Variants in OR5M3 observed in about 807,000 individuals in gnomAD.
The protein encoded by OR5M3 is olfactory receptor family 5 subfamily M member 3.
For missense variants in OR5M3, 384 were observed against 378.6 expected, an observed-to-expected ratio of 1.01 and a Z score of -0.12; for synonymous variants, 129 against 131.3, an observed-to-expected ratio of 0.98 and a Z score of 0.12.
rs747649537 is a variant in OR5M3, at chr11:56,469,868, A to T, written c.630T>A (p.Thr210=). The T allele has an allele frequency of 6.8e-6, 11 of 1,613,262 alleles. No individual in the cohort carries two copies. The highest frequency in any genetic ancestry group is 8.5e-6 in the Non-Finnish European group (10 of 1,179,178). ...TGAATAAGTAAGAGATGATAATTACAGTCAGGGAATATGTGAAGTTAATGC... is the reference window on the plus strand; with the variant it reads ...TGAATAAGTAAGAGATGATAATTACTGTCAGGGAATATGTGAAGTTAATGC... ...LAGINFTYSL[T]VIIISYLFIL... The change falls in exon 2 of 2, where the codon ACT becomes ACA. Residue 210 remains threonine (T), a synonymous_variant. Coordinates refer to ENST00000641993, the MANE Select transcript of OR5M3 (RefSeq NM_001004742.3).
At chr11:56,472,305 T>A (rs1296577526) in intron 1 of OR5M3, among the ~76,000 whole-genome samples, 1 of 152,090 alleles carries the variant, frequency 6.6e-6, no homozygotes, top group East Asian at 1.9e-4. Flanking sequence ...TAAAATCTGT[T>A]ACAGAGTTGT....
rs762806221 is a variant in OR5M3, at chr11:56,470,293, C to T, written c.205G>A (p.Val69Met). 5.2e-5 allele frequency: 84 copies of T among 1,613,400 alleles called. No individual in the cohort carries two copies. Among genetic ancestry groups the T allele is most frequent in the Admixed American group, 2.3e-4 (14 of 59,950 alleles). The change falls in exon 2 of 2, where the codon GTG becomes ATG. Residue 69 changes from valine (V) to methionine (M), a missense_variant. Transcript: ENST00000641993. ...GGGGTGACATTGGAAGAAAACCACA[C>T]ATCAACAAATGACAAGTGACTGAGG... ...FFLSHLSFVDVWFSSNVTPKM... is the reference protein window; with the variant it reads ...FFLSHLSFVDMWFSSNVTPKM...
intron 1 of OR5M3, among the ~76,000 whole-genome samples, chr11:56,472,781 T>C (rs976752562): frequency 3.3e-5 from 5 of 152,068 alleles, no homozygotes; most frequent in Admixed American, 1.3e-4. Context: ...TGGATTCTTT[T>C]CCAGATCAGG....
chr11:56,469,518 C>G lies in OR5M3; in HGVS notation c.*56G>C. ...ATGTTCCTAGGTACTGGGTAATAAA[C>G]TTTTTCCAAACAAATAATAGAAGAT... On this transcript the variant is annotated 3_prime_UTR_variant, in exon 2 of 2. Coordinates refer to ENST00000641993, the MANE Select transcript of OR5M3 (RefSeq NM_001004742.3). The G allele has an allele frequency of 8.4e-7, 1 of 1,197,280 alleles. No homozygotes were observed. The highest frequency in any genetic ancestry group is 1.2e-6 in the Non-Finnish European group (1 of 863,858). 74.2% of individuals were successfully genotyped at this position (1,197,280 alleles called of 1,614,324 possible). A position where few individuals can be genotyped will look rare whatever the true frequency, so the allele number is the denominator to read the frequency against.
In OR5M3 at chr11:56,470,490, T is replaced by C. The variant is rs77400854; in HGVS notation, c.8A>G (p.Asn3Ser). 0.073 allele frequency: 114,038 copies of C among 1,557,468 alleles called. 4,840 individuals are homozygous for C. The highest frequency in any genetic ancestry group is 0.081 in the Non-Finnish European group (93,298 of 1,153,020). Reference sequence around the variant, plus strand: ...AATGAACTCTGTCACATCGGTGAAATTGAGCATTTTCTGAATTCTAAGTCA... The same window carrying C: ...AATGAACTCTGTCACATCGGTGAAACTGAGCATTTTCTGAATTCTAAGTCA... ML[N>S]FTDVTEFILL... Residue 3 changes from asparagine to serine, a missense_variant, in exon 2 of 2, where the codon AAT becomes AGT. Transcript: ENST00000641993.
chr11:56,472,241 T>C (rs541314489), intron 1 of OR5M3, among the ~76,000 whole-genome samples: 33 of 152,188 alleles, frequency 2.2e-4, no homozygotes, highest in African/African-American at 7.7e-4. Context: ...TGAATAATAG[T>C]TAAAGTTCTA....
In OR5M3 at chr11:56,470,422, A is replaced by G. The variant is rs775746409; in HGVS notation, c.76T>C (p.Phe26Leu). ...TSRREWQVLF[F>L]IIFLVVYIIT... ...ATGTAGACCACAAGAAAGATGATGA[A>G]GAAGAGAACTTGCCATTCTCGACGG... Residue 26 changes from phenylalanine (F) to leucine (L), a missense_variant, in exon 2 of 2, where the codon TTC becomes CTC. By Grantham distance (22) the Phe-to-Leu change is conservative. Transcript: ENST00000641993. 2 of 1,613,360 alleles carry G rather than the reference A, an allele frequency of 1.2e-6. No homozygotes were observed. Among genetic ancestry groups the G allele is most frequent in the Non-Finnish European group, 1.7e-6 (2 of 1,179,538 alleles).
intron 1 of OR5M3, among the ~76,000 whole-genome samples, chr11:56,472,444 G>C (rs1270900979): frequency 6.6e-6 from 1 of 151,738 alleles, no homozygotes; most frequent in Non-Finnish European, 1.5e-5. Context: ...GCAATAGAGG[G>C]ATTCTTATTT....
chr11:56,470,354 C>A lies in OR5M3; in HGVS notation c.144G>T (p.Lys48Asn). ...VGNIGMMVLI[K>N]VSPQLNNPMY... The stretch of plus-strand genomic sequence containing the variant: ...TGGGGTTGTTAAGCTGAGGACTGAC[C>A]TTGATTAACACCATCATGCCGATAT... The change falls in exon 2 of 2, where the codon AAG becomes AAT. Residue 48 changes from lysine (K) to asparagine (N), a missense_variant. Physicochemically the swap from Lys to Asn is moderately conservative, Grantham distance 94. Coordinates refer to ENST00000641993, the MANE Select transcript of OR5M3 (RefSeq NM_001004742.3). 1.9e-6 allele frequency: 3 copies of A among 1,613,588 alleles called. No homozygotes were observed. Among genetic ancestry groups the A allele is most frequent in the Non-Finnish European group, 2.5e-6 (3 of 1,179,788 alleles).
intron 1 of OR5M3, among the ~76,000 whole-genome samples, chr11:56,472,785 G>T (rs1312353465): frequency 6.6e-6 from 1 of 151,962 alleles, no homozygotes; most frequent in Non-Finnish European, 1.5e-5. Context: ...TTCTTTTCCA[G>T]ATCAGGTATG....
intron 1 of OR5M3, among the ~76,000 whole-genome samples, chr11:56,472,010 T>C (rs1853671904): frequency 6.6e-6 from 1 of 151,196 alleles, no homozygotes; most frequent in South Asian, 2.1e-4. Context: ...ACCCAGAAAA[T>C]TAGCAGTCAG....
chr11:56,471,591 C>T (rs1412452412), intron 1 of OR5M3, among the ~76,000 whole-genome samples: 2 of 151,868 alleles, frequency 1.3e-5, no homozygotes, highest in Non-Finnish European at 2.9e-5. Flanking sequence ...AAGTTATTTA[C>T]TGTACACATC....
At chr11:56,470,650 T>A in intron 1 of OR5M3, 109 bp from the exon 2 acceptor site, 1 of 500,854 alleles carries the variant, frequency 2.0e-6, no homozygotes, top group East Asian at 3.2e-5. Flanking sequence ...TTCACAGATC[T>A]TTTCTCAGTG....
intron 1 of OR5M3, 39 bp downstream of exon 1, chr11:56,473,182 T>C (rs909394509): frequency 6.6e-6 from 1 of 152,076 alleles, no homozygotes; most frequent in Admixed American, 6.6e-5. Context: ...CAATGCAAGC[T>C]CCATCTGACA....
At chr11:56,471,880 G>T (rs1853670820) in intron 1 of OR5M3, among the ~76,000 whole-genome samples, 1 of 151,872 alleles carries the variant, frequency 6.6e-6, no homozygotes, top group Non-Finnish European at 1.5e-5. Context: ...CCTTCTAATG[G>T]CTATATGTTA....
Position 56,470,257 on chromosome 11 carries a change from C to T in OR5M3, c.241G>A (p.Glu81Lys), listed in dbSNP as rs747082022. The part of the protein sequence containing the change: ...FSSNVTPKML[E>K]NLLSDKKTIT... ...GTTTTTTTATCTGATAACAGGTTTTCCAACATTTTAGGGGTGACATTGGAA... is the reference window on the plus strand; with the variant it reads ...GTTTTTTTATCTGATAACAGGTTTTTCAACATTTTAGGGGTGACATTGGAA... The change falls in exon 2 of 2, where the codon GAA (glutamate) becomes AAA (lysine). Residue 81 changes from glutamate to lysine, a missense_variant. Coordinates refer to ENST00000641993, the MANE Select transcript of OR5M3 (RefSeq NM_001004742.3). 73 of 1,613,300 alleles carry T rather than the reference C, an allele frequency of 4.5e-5. No individual in the cohort carries two copies. The highest frequency in any genetic ancestry group is 5.7e-5 in the Non-Finnish European group (67 of 1,179,476).
intron 1 of OR5M3, among the ~76,000 whole-genome samples, chr11:56,470,965 T>G (rs558593324): frequency 5.9e-4 from 90 of 152,222 alleles, no homozygotes; most frequent in African/African-American, 2.1e-3. Context: ...AAAAATCATA[T>G]GATGAAATAA....
chr11:56,473,154 A>G (rs929443628), intron 1 of OR5M3, 67 bp downstream of exon 1: 6 of 152,138 alleles, frequency 3.9e-5, no homozygotes, highest in African/African-American at 1.4e-4. Context: ...TATAAATCGT[A>G]AAAGAAAATA....
Position 56,470,023 on chromosome 11 carries a change from ATGT to A in OR5M3, c.472_474del (p.Thr158del). Reference sequence around the variant, plus strand: ...CAGAAGTACAAGCCGTAAGTCCATAATGTTGCTGCCAGACTCGTCAGAAAACCA... The same window carrying A: ...CAGAAGTACAAGCCGTAAGTCCATAATGCTGCCAGACTCGTCAGAAAACCA... On this transcript the variant is annotated inframe_deletion, in exon 2 of 2. Transcript: ENST00000641993. 2 of 1,613,532 alleles carry A rather than the reference ATGT, an allele frequency of 1.2e-6. No individual in the cohort carries two copies. The highest frequency in any genetic ancestry group is 1.7e-6 in the Non-Finnish European group (2 of 1,179,496).
Sources: allele counts gnomAD v4.1 joint callset (sites outside exome capture counted in the v4.1 genomes callset), GRCh38; gene constraint gnomAD v4.1.1; transcripts MANE v1.5; gene names NCBI Gene and HGNC (gene_info 2026-07-23, HGNC 2026-07-21).